Variants in PRR12 observed in about 807,000 individuals in gnomAD.
The protein encoded by PRR12 is proline-rich protein 12.
In PRR12, 12 loss-of-function variants were observed where a neutral mutation model predicts 138.0. That is an observed-to-expected ratio of 0.09 (90% confidence interval 0.06 to 0.14). The LOEUF is 0.14. Among genes scored for constraint, PRR12 ranks in the 10% least tolerant of loss-of-function variants. The pLI, the probability that PRR12 is intolerant of heterozygous loss-of-function variation, is 1.00. For missense variants in PRR12, 2,692 were observed against 2,861.3 expected (o/e 0.94, Z 1.35); for synonymous variants, 1,567 against 1,291.7 (o/e 1.21, Z -4.57).
In PRR12 at chr19:49,616,215, G is replaced by T. The variant is rs1476738544; in HGVS notation, c.5493G>T (p.Glu1831Asp). 2 of 1,528,624 alleles carry T rather than the reference G, an allele frequency of 1.3e-6. No individual in the cohort carries two copies. The highest frequency in any genetic ancestry group is 1.3e-5 in the South Asian group (1 of 79,496). The allele number at this position is 1,528,624 out of a possible 1,614,324, so 94.7% of individuals were successfully genotyped here. A position where few individuals can be genotyped will look rare whatever the true frequency, so the allele number is the denominator to read the frequency against. Residue 1831 changes from glutamate to aspartate, a missense_variant, in exon 9 of 14, where the codon GAG becomes GAT. Around this residue, in one of 11 missense-constraint regions of PRR12, gnomAD observed 259 missense variants for 265.1 expected, o/e 0.98. Coordinates refer to ENST00000418929, the MANE Select transcript of PRR12 (RefSeq NM_020719.3). This position sits in a 1 kb window ranked among gnomAD's most constrained non-coding sequence, Gnocchi z 4.2. ...AGTCCTCCCCTGGAGCCCCCAGCGA[G>T]GACGGTGAGGCCCTAGGCAGCCTCA... ...DSESSPGAPSEDERAVPGRLL... is the reference protein window; with the variant it reads ...DSESSPGAPSDDERAVPGRLL...
chr19:49,602,055 TG>T (rs2080815072), intron 6 of PRR12, 137 bp downstream of exon 6: 3 of 1,092,496 alleles, frequency 2.7e-6, no homozygotes, highest in Non-Finnish European at 3.9e-6. Context: ...TGCAGTCCTA[TG>T]GGGCTGATAG....
Position 49,597,133 on chromosome 19 carries a change from G to A in PRR12, c.2798G>A (p.Cys933Tyr), listed in dbSNP as rs902625463. 1.3e-6 allele frequency: 2 copies of A among 1,551,328 alleles called. No individual in the cohort carries two copies. The highest frequency in any genetic ancestry group is 1.7e-6 in the Non-Finnish European group (2 of 1,147,540). ...APRFVPLTSI[C>Y]FPDSLLQDEE... ...CGTTTCGTGCCGCTCACCTCCATCT[G>A]CTTCCCTGACTCCTTGCTCCAAGAC... The change falls in exon 4 of 14, where the codon TGC becomes TAC. Residue 933 changes from cysteine (C) to tyrosine (Y), a missense_variant. Coordinates refer to ENST00000418929, the MANE Select transcript of PRR12 (RefSeq NM_020719.3). The surrounding 1 kb of genome is among the most constrained non-coding windows in gnomAD (Gnocchi z 6.3).
chr19:49,596,919 G>T lies in PRR12; in HGVS notation c.2584G>T (p.Ala862Ser). The change falls in exon 4 of 14, where the codon GCG (alanine) becomes TCG (serine). Residue 862 changes from alanine (A) to serine (S), a missense_variant. Around this residue, in one of 11 missense-constraint regions of PRR12, gnomAD observed 840 missense variants for 689.8 expected, o/e 1.22. Transcript: ENST00000418929. The surrounding 1 kb of genome is among the most constrained non-coding windows in gnomAD (Gnocchi z 5.6). ...CCTCCGCAGCCATGGCCTGGAGCCCGCGGCCCCCAGCCCCCGCCTGCGACC... is the reference window on the plus strand; with the variant it reads ...CCTCCGCAGCCATGGCCTGGAGCCCTCGGCCCCCAGCCCCCGCCTGCGACC... ...AHLRSHGLEP[A>S]APSPRLRPEE... 9.1e-6 allele frequency: 12 copies of T among 1,316,902 alleles called. No individual in the cohort carries two copies. The highest frequency in any genetic ancestry group is 1.1e-5 in the Non-Finnish European group (11 of 1,007,664). 81.6% of individuals were successfully genotyped at this position (1,316,902 alleles called of 1,614,324 possible).
At chr19:49,608,191 C>T (rs2080848068) in intron 6 of PRR12, among the ~76,000 whole-genome samples, 1 of 152,044 alleles carries the variant, frequency 6.6e-6, no homozygotes, top group South Asian at 2.1e-4. Flanking sequence ...ATTTGAAGTG[C>T]TCTAGCCGAC....
intron 5 of PRR12, among the ~76,000 whole-genome samples, chr19:49,600,387 G>A (rs979203220): frequency 2.0e-5 from 3 of 151,580 alleles, no homozygotes; most frequent in Admixed American, 6.6e-5. Context: ...TTGTGCTCTG[G>A]TTTTGGACAC....
chr19:49,620,457 A>C lies in PRR12; in HGVS notation c.5603A>C (p.Gln1868Pro). 1 of 1,565,630 alleles carries C rather than the reference A, an allele frequency of 6.4e-7. No homozygotes were observed. ...VSTALDPDMI[Q>P]ALEDTHDELY... is the part of the protein sequence containing the mutation. ...ACAGCACTTGACCCAGACATGATCCAGGCCCTGGAGGACACGCATGGTGAG... is the reference window on the plus strand; with the variant it reads ...ACAGCACTTGACCCAGACATGATCCCGGCCCTGGAGGACACGCATGGTGAG... Residue 1868 changes from glutamine to proline, a missense_variant, in exon 10 of 14, where the codon CAG becomes CCG. This residue lies in a region of PRR12 where 116 missense variants were observed against 243.4 expected (regional missense o/e 0.48). Transcript: ENST00000418929.
chr19:49,622,969 A>G (rs963956291), intron 11 of PRR12, among the ~76,000 whole-genome samples: 8 of 148,282 alleles, frequency 5.4e-5, no homozygotes, highest in Non-Finnish European at 1.2e-4. Flanking sequence ...AGAGAGAGAG[A>G]GAGAGATATT....
chr19:49,594,982 C>T lies in PRR12; in HGVS notation c.647C>T (p.Pro216Leu). 6.3e-7 allele frequency: 1 copy of T among 1,599,684 alleles called. No individual in the cohort carries two copies. Among genetic ancestry groups the T allele is most frequent in the Non-Finnish European group, 8.5e-7 (1 of 1,174,730 alleles). ...CTGGCAGGGGGCGGTGTCTTGGGGC[C>T]AGCTGGTCTCGGTCCAGCCCAGACC... The part of the protein sequence containing the change: ...ERLAGGGVLG[P>L]AGLGPAQTPP... Residue 216 changes from proline (P) to leucine (L), a missense_variant, in exon 4 of 14, where the codon CCA (proline) becomes CTA (leucine). By Grantham distance (98) the Pro-to-Leu change is moderately conservative. Around this residue, in one of 11 missense-constraint regions of PRR12, gnomAD observed 523 missense variants for 496.4 expected, o/e 1.05. Coordinates refer to ENST00000418929, the MANE Select transcript of PRR12 (RefSeq NM_020719.3). The surrounding 1 kb of genome is among the most constrained non-coding windows in gnomAD (Gnocchi z 5.6).
rs2080889264 is a variant in PRR12, at chr19:49,615,807, G to A, written c.5085G>A (p.Lys1695=). 6.2e-7 allele frequency: 1 copy of A among 1,612,892 alleles called. No individual in the cohort carries two copies. The highest frequency in any genetic ancestry group is 8.5e-7 in the Non-Finnish European group (1 of 1,179,466). Residue 1695 remains lysine, a synonymous_variant, in exon 9 of 14, where the codon AAG becomes AAA. Coordinates refer to ENST00000418929, the MANE Select transcript of PRR12 (RefSeq NM_020719.3). ...SAGGSSAPPP[K]APAPPPKPET... ...GGGGTAGCTCTGCACCTCCCCCTAA[G>A]GCCCCAGCACCACCTCCCAAGCCTG...
chr19:49,596,124 G>T lies in PRR12; in HGVS notation c.1789G>T (p.Ala597Ser), dbSNP rs905208099. ...GKYLSSVLAS[A>S]PFLAPPGAGS... ...ATACCTGAGCTCAGTCTTGGCCTCAGCGCCTTTCCTGGCACCTCCGGGAGC... is the reference window on the plus strand; with the variant it reads ...ATACCTGAGCTCAGTCTTGGCCTCATCGCCTTTCCTGGCACCTCCGGGAGC... Residue 597 changes from alanine (A) to serine (S), a missense_variant, in exon 4 of 14, where the codon GCG becomes TCG. Coordinates refer to ENST00000418929, the MANE Select transcript of PRR12 (RefSeq NM_020719.3). This position sits in a 1 kb window ranked among gnomAD's most constrained non-coding sequence, Gnocchi z 5.6. The T allele has an allele frequency of 6.2e-7, 1 of 1,604,356 alleles. No individual in the cohort carries two copies. Among genetic ancestry groups the T allele is most frequent in the Admixed American group, 1.7e-5 (1 of 60,016 alleles).
chr19:49,596,886 G>A lies in PRR12; in HGVS notation c.2551G>A (p.Glu851Lys). The A allele has an allele frequency of 2.6e-6, 4 of 1,542,962 alleles. No individual in the cohort carries two copies. The highest frequency in any genetic ancestry group is 1.4e-5 in the African/African-American group (1 of 72,052). Residue 851 changes from glutamate to lysine, a missense_variant, in exon 4 of 14, where the codon GAG (glutamate) becomes AAG (lysine). By Grantham distance (56) the Glu-to-Lys change is moderately conservative (BLOSUM62 1). Coordinates refer to ENST00000418929, the MANE Select transcript of PRR12 (RefSeq NM_020719.3). This position sits in a 1 kb window ranked among gnomAD's most constrained non-coding sequence, Gnocchi z 5.6. ...TCCACCACCCATGCCCCTGCAGCTCGAGGCCCACCTCCGCAGCCATGGCCT... is the reference window on the plus strand; with the variant it reads ...TCCACCACCCATGCCCCTGCAGCTCAAGGCCCACCTCCGCAGCCATGGCCT... ...PPPPPMPLQL[E>K]AHLRSHGLEP... is the part of the protein sequence containing the mutation.
intron 4 of PRR12, among the ~76,000 whole-genome samples, chr19:49,598,299 C>T (rs1262461855): frequency 6.6e-6 from 1 of 151,906 alleles, no homozygotes; most frequent in African/African-American, 2.4e-5. Context: ...TGGTCTCGAT[C>T]TCCTGGCCTC....
chr19:49,602,350 A>G (rs1214873052), intron 6 of PRR12, among the ~76,000 whole-genome samples: 1 of 152,188 alleles, frequency 6.6e-6, no homozygotes, highest in Non-Finnish European at 1.5e-5. Flanking sequence ...AATGGTGGAA[A>G]TGTGTCATTG....
In PRR12 at chr19:49,614,592, G is replaced by A. The variant is rs1047869817; in HGVS notation, c.4833G>A (p.Leu1611=). 3.8e-6 allele frequency: 6 copies of A among 1,564,490 alleles called. No individual in the cohort carries two copies. Among genetic ancestry groups the A allele is most frequent in the Non-Finnish European group, 5.2e-6 (6 of 1,154,750 alleles). The change falls in exon 7 of 14, where the codon CTG becomes CTA. Residue 1611 remains leucine (L), a synonymous_variant. Transcript: ENST00000418929. The surrounding 1 kb of genome is among the most constrained non-coding windows in gnomAD (Gnocchi z 5.0). ...PPIWRVQKAL[L]QKFTPEIKDG... ...TCTGGCGAGTCCAGAAGGCCCTTCT[G>A]CAGAAATTCACTCCGGAGATCAAGG...
rs1383898121 is a variant in PRR12, at chr19:49,620,462, C to T, written c.5608C>T (p.Leu1870=). The change falls in exon 10 of 14, where the codon CTG becomes TTG. Residue 1870 remains leucine, a synonymous_variant. Coordinates refer to ENST00000418929, the MANE Select transcript of PRR12 (RefSeq NM_020719.3). ...ACTTGACCCAGACATGATCCAGGCCCTGGAGGACACGCATGGTGAGCTGAG... is the reference window on the plus strand; with the variant it reads ...ACTTGACCCAGACATGATCCAGGCCTTGGAGGACACGCATGGTGAGCTGAG... ...TALDPDMIQA[L]EDTHDELYLP... 14 of 1,566,420 alleles carry T rather than the reference C, an allele frequency of 8.9e-6. No individual in the cohort carries two copies. In the South Asian group the frequency reaches 1.6e-4, roughly 18 times the overall value.
Position 49,626,369 on chromosome 19 carries a change from C to T in PRR12, c.*762C>T, listed in dbSNP as rs1289766332. The T allele has an allele frequency of 6.6e-6, 1 of 152,164 alleles. No homozygotes were observed. The allele number at this position is 152,164 out of a possible 1,614,324, so 9.4% of individuals were successfully genotyped here. On this transcript the variant is annotated 3_prime_UTR_variant, in exon 14 of 14. Transcript: ENST00000418929. ...TTGTCTCTTGCTCTTTCTTGGGCTT[C>T]TGTACAACTCAACTTGTATACACTG...
intron 6 of PRR12, among the ~76,000 whole-genome samples, chr19:49,603,227 C>T (rs144978296): frequency 1.3e-5 from 2 of 152,368 alleles, no homozygotes; most frequent in Admixed American, 6.5e-5. Context: ...TTACCAGGTG[C>T]CCATGGAGTG....
intron 1 of PRR12, 68 bp from the exon 2 acceptor site, chr19:49,593,259 G>A: frequency 1.3e-6 from 1 of 741,752 alleles, no homozygotes; most frequent in Non-Finnish European, 2.2e-6. Context: ...CTCCCCGGGG[G>A]GTTTTCTGAG....
Position 49,625,770 on chromosome 19 carries a change from T to A in PRR12, c.*163T>A. On this transcript the variant is annotated 3_prime_UTR_variant, in exon 14 of 14. Transcript: ENST00000418929. This position sits in a 1 kb window ranked among gnomAD's most constrained non-coding sequence, Gnocchi z 5.5. Reference sequence around the variant, plus strand: ...TCCAGGGCAGGGTTCAAAGTCCGACTCCCCCCCTCTCCCAAGCCCCCTCCA... The same window carrying A: ...TCCAGGGCAGGGTTCAAAGTCCGACACCCCCCCTCTCCCAAGCCCCCTCCA... The A allele has an allele frequency of 1.3e-6, 1 of 788,966 alleles. No homozygotes were observed. Among genetic ancestry groups the A allele is most frequent in the Middle Eastern group, 3.9e-4 (1 of 2,540 alleles). The allele number at this position is 788,966 out of a possible 1,614,324, so 48.9% of individuals were successfully genotyped here.
Sources: gnomAD v4.1 joint callset for allele counts (sites outside exome capture counted in the v4.1 genomes callset) on GRCh38, gnomAD v4.1.1 for gene constraint, gnomAD v4.1.1 regional missense constraint, Gnocchi (gnomAD v3.1) non-coding constraint, MANE v1.5 for transcripts, NCBI Gene and HGNC (gene_info 2026-07-23, HGNC 2026-07-21) for gene names.